The following EPHB1 variants were observed in gnomAD, a reference collection of about 807,000 sequenced individuals.
The protein encoded by EPHB1 is EPH receptor B1.
A neutral mutation model predicts 94.4 loss-of-function variants in EPHB1; 30 were observed. The observed-to-expected ratio is 0.32, with a 90% CI of 0.24 to 0.43. The LOEUF (loss-of-function observed/expected upper bound fraction) is 0.43, where lower values mean the gene tolerates loss of function less well. EPHB1 is among the 20% of genes least tolerant of loss of function. The pLI is 1.00. For synonymous variants in EPHB1, 522 were observed against 489.1 expected (o/e 1.07, Z -0.89); for missense variants, 1,055 against 1,308.3 (o/e 0.81, Z 2.99).
intron 1 of EPHB1, among the ~76,000 whole-genome samples, chr3:134,838,525 T>A (rs978456940): frequency 4.6e-5 from 7 of 152,180 alleles, no homozygotes; most frequent in African/African-American, 1.4e-4. Context: ...ATCCTGTGGG[T>A]CAGTCACTTC....
At chr3:135,139,404 T>C (rs1940738614) in intron 5 of EPHB1, among the ~76,000 whole-genome samples, 1 of 152,148 alleles carries the variant, frequency 6.6e-6, no homozygotes, top group Non-Finnish European at 1.5e-5. Flanking sequence ...TAACACATTC[T>C]TTATGACTGC....
At chr3:134,975,040 C>T (rs764402197) in intron 3 of EPHB1, among the ~76,000 whole-genome samples, 83 of 152,148 alleles carry the variant, frequency 5.5e-4, no homozygotes, top group Non-Finnish European at 6.9e-4. Flanking sequence ...ACCTCCCCCA[C>T]CTCTCTCTTA....
At chr3:135,197,147 T>G (rs1942643106) in intron 11 of EPHB1, among the ~76,000 whole-genome samples, 1 of 151,984 alleles carries the variant, frequency 6.6e-6, no homozygotes, top group African/African-American at 2.4e-5. Flanking sequence ...GCGAAACAAT[T>G]CCTGAAGCTG....
At chr3:134,990,576 A>G (rs1934759632) in intron 3 of EPHB1, among the ~76,000 whole-genome samples, 1 of 152,070 alleles carries the variant, frequency 6.6e-6, no homozygotes, top group Non-Finnish European at 1.5e-5. Flanking sequence ...TACTAGTTTT[A>G]TCTGTCAGTA....
intron 9 of EPHB1, among the ~76,000 whole-genome samples, chr3:135,171,452 A>G (rs1309761284): frequency 6.6e-6 from 1 of 152,154 alleles, no homozygotes; most frequent in Admixed American, 6.5e-5. Flanking sequence ...AGGTGCAAGC[A>G]TAGGGAAGCT....
At chr3:134,921,307 C>T (rs2038682023) in intron 1 of EPHB1, among the ~76,000 whole-genome samples, 1 of 152,192 alleles carries the variant, frequency 6.6e-6, no homozygotes, top group South Asian at 2.1e-4. Flanking sequence ...CTTCCCTCCT[C>T]ACCACTGCCC....
intron 2 of EPHB1, among the ~76,000 whole-genome samples, chr3:134,932,296 T>C (rs1278412141): frequency 6.6e-6 from 1 of 152,158 alleles, no homozygotes; most frequent in Non-Finnish European, 1.5e-5. Flanking sequence ...TGTTTATGTG[T>C]GCGCTGTCTA....
At chr3:134,953,450 G>A (rs1487779898) in intron 3 of EPHB1, among the ~76,000 whole-genome samples, 1 of 152,222 alleles carries the variant, frequency 6.6e-6, no homozygotes, top group Non-Finnish European at 1.5e-5. Flanking sequence ...ATGCATCAAC[G>A]TCAACAGTTT....
At chr3:135,119,736 G>A (rs1296439777) in intron 4 of EPHB1, among the ~76,000 whole-genome samples, 2 of 152,156 alleles carry the variant, frequency 1.3e-5, no homozygotes, top group African/African-American at 4.8e-5. Context: ...ACAGGCGTGA[G>A]CCACCAAGAC....
At chr3:135,025,120 C>CCCTT (rs1169908532) in intron 3 of EPHB1, among the ~76,000 whole-genome samples, 13 of 110,786 alleles carry the variant, frequency 1.2e-4, no homozygotes, top group Admixed American at 1.1e-3. Context: ...CCTCCCTCCC[C>CCCTT]CCTTCCTTCC....
rs556723085 is a variant in EPHB1, at chr3:135,166,148, C to G, written c.1694+72C>G. On this transcript the variant is annotated intron_variant, in intron 8 of 15. Transcript: ENST00000398015. Reference sequence around the variant, plus strand: ...TCTCCATGTGCCGTTTCCCAGGCTGCGTGGATCAGATAGGGTGTGACCATT... The same window carrying G: ...TCTCCATGTGCCGTTTCCCAGGCTGGGTGGATCAGATAGGGTGTGACCATT... The G allele has an allele frequency of 9.7e-6, 11 of 1,139,222 alleles. No homozygotes were observed. The African/African-American group carries it at 1.5e-4, about 16-fold the overall frequency. 70.6% of individuals were successfully genotyped at this position (1,139,222 alleles called of 1,614,324 possible). A position where few individuals can be genotyped will look rare whatever the true frequency, so the allele number is the denominator to read the frequency against.
At chr3:135,122,741 G>C (rs12485760) in intron 4 of EPHB1, among the ~76,000 whole-genome samples, 6,377 of 152,246 alleles carry the variant, frequency 0.042, 200 homozygotes, top group South Asian at 0.15. Context: ...CTCCATTGAA[G>C]CAGGAGAAAC....
intron 15 of EPHB1, among the ~76,000 whole-genome samples, chr3:135,257,421 G>T (rs555128904): frequency 6.6e-6 from 1 of 151,904 alleles, no homozygotes; most frequent in African/African-American, 2.4e-5. Context: ...CTGTTTGTTA[G>T]TTTTCCTTCT....
chr3:134,941,083 G>A (rs951207336), intron 2 of EPHB1, among the ~76,000 whole-genome samples: 4 of 152,208 alleles, frequency 2.6e-5, no homozygotes, highest in Admixed American at 2.6e-4. Context: ...ATTCATGGAG[G>A]TTATAATGAT....
chr3:135,224,646 C>G (rs1244455531), intron 12 of EPHB1, among the ~76,000 whole-genome samples: 2 of 152,296 alleles, frequency 1.3e-5, no homozygotes, highest in East Asian at 3.9e-4. Context: ...CCTCACTGCC[C>G]CCCAATTTCA....
chr3:134,882,765 C>CTTTCTTTTTTCTTTCTTTCTTT (rs1553861895), intron 1 of EPHB1, among the ~76,000 whole-genome samples: 1 of 79,882 alleles, frequency 1.3e-5, no homozygotes, highest in East Asian at 3.7e-4. Flanking sequence ...TTCCTTCCTT[C>CTTTCTTTTTTCTTTCTTTCTTT]CTTTCTTTCT....
chr3:134,905,194 G>A lies in EPHB1; in HGVS notation c.59-20622G>A, dbSNP rs903191170. Among the ~76,000 whole-genome samples the A allele has an allele frequency of 5.3e-5, 8 of 152,222 alleles. No individual in the cohort carries two copies. In the East Asian group the frequency reaches 1.5e-3, roughly 29 times the overall value. On this transcript the variant is annotated intron_variant, in intron 1 of 15. Coordinates refer to ENST00000398015, the MANE Select transcript of EPHB1 (RefSeq NM_004441.5). ...AATACTCTTGTAAGTTGCAGGTAGA[G>A]AAGATTGGATGGACACTGGGGATCA...
At position 135,259,450 on chromosome 3, in the gene EPHB1, CAGGAAGAAAGGGAAGGAGGTAGA is replaced by C. The variant is rs1173521318; in HGVS notation, c.*331_*353del. ...TCAGTGGGCTGCAGTTGCCCAACCA[CAGGAAGAAAGGGAAGGAGGTAGA>C]GGGAAGAAACAGAAGCAGTGTTCCA... On this transcript the variant is annotated 3_prime_UTR_variant, in exon 16 of 16. Coordinates refer to ENST00000398015, the MANE Select transcript of EPHB1 (RefSeq NM_004441.5). The C allele has an allele frequency of 4.3e-6, 1 of 232,038 alleles. No homozygotes were observed. Among genetic ancestry groups the C allele is most frequent in the Admixed American group, 5.6e-5 (1 of 17,902 alleles). 14.4% of individuals were successfully genotyped at this position (232,038 alleles called of 1,614,324 possible).
At chr3:135,145,082 A>G (rs1438029787) in intron 5 of EPHB1, among the ~76,000 whole-genome samples, 3 of 152,210 alleles carry the variant, frequency 2.0e-5, no homozygotes, top group Non-Finnish European at 4.4e-5. Context: ...ATATTTAATG[A>G]GTCAGGTCTT....
Sources: allele counts gnomAD v4.1 joint callset (sites outside exome capture counted in the v4.1 genomes callset), GRCh38; gene constraint gnomAD v4.1.1; transcripts MANE v1.5; gene names NCBI Gene and HGNC (gene_info 2026-07-23, HGNC 2026-07-21).